TPST2: variants seen among roughly 807,000 people sequenced by gnomAD.
TPST2 encodes the protein tyrosylprotein sulfotransferase 2.
TPST2 carries 16 observed loss-of-function variants against 27.8 expected under a neutral mutation model. The observed-to-expected ratio is 0.58, with a 90% CI of 0.39 to 0.88. The LOEUF (loss-of-function observed/expected upper bound fraction) is 0.88. Ranked by LOEUF, TPST2 falls within the 40% of genes least tolerant of loss-of-function variation. TPST2 has a pLI of 0.00. For missense variants in TPST2, 464 were observed against 543.1 expected (o/e 0.85, Z 1.45); for synonymous variants, 229 against 231.7 (o/e 0.99, Z 0.10).
Position 26,536,350 on chromosome 22 carries a change from G to A in TPST2, c.979C>T (p.Pro327Ser). The change falls in exon 4 of 7, where the codon CCT becomes TCT. Residue 327 changes from proline to serine, a missense_variant. By Grantham distance (74) the Pro-to-Ser change is moderately conservative. Transcript: ENST00000338754. ...CCATAGTTGGGGGGGTTTGCATAAG[G>A]GTCATAGCCGAGCTGAGCCAGCATG... is the stretch of plus-strand genomic sequence containing the variant. Reference protein sequence around the residue: ...APMLAQLGYDPYANPPNYGNP... With the variant: ...APMLAQLGYDSYANPPNYGNP... 1 of 1,612,736 alleles carries A rather than the reference G, an allele frequency of 6.2e-7. No individual in the cohort carries two copies. The highest frequency in any genetic ancestry group is 1.1e-5 in the South Asian group (1 of 91,076).
rs889996538 is a variant in TPST2 at position 26,550,468 on chromosome 22, C to G, written c.-160-5793G>C. ...TCAAATCTATAGGAACTTTCTAAAT[C>G]ATCATTTCTCCAAGCTCAGCAGATC... On this transcript the variant is annotated intron_variant, in intron 1 of 6. Coordinates refer to ENST00000338754, the MANE Select transcript of TPST2 (RefSeq NM_003595.5). The G allele has an allele frequency of 2.3e-5, 12 of 531,994 alleles. No individual in the cohort carries two copies. In the Admixed American group the frequency reaches 2.6e-4, roughly 11 times the overall value. 33.0% of individuals were successfully genotyped at this position (531,994 alleles called of 1,614,324 possible). A position where few individuals can be genotyped will look rare whatever the true frequency, so the allele number is the denominator to read the frequency against.
chr22:26,542,327 C>T (rs1034870275), intron 2 of TPST2, among the ~76,000 whole-genome samples: 5 of 151,606 alleles, frequency 3.3e-5, no homozygotes, highest in Admixed American at 6.6e-5. Context: ...CTCAAGCAAT[C>T]CTCTGCCTCA....
chr22:26,580,235 A>T (rs546091024), intron 1 of TPST2, among the ~76,000 whole-genome samples: 2 of 152,316 alleles, frequency 1.3e-5, no homozygotes, highest in African/African-American at 4.8e-5. Context: ...CCATCTCAAA[A>T]AAAGAAAGAA....
intron 1 of TPST2, among the ~76,000 whole-genome samples, chr22:26,561,757 T>C (rs1927108973): frequency 6.6e-6 from 1 of 152,158 alleles, no homozygotes; most frequent in South Asian, 2.1e-4. Context: ...CATGGAATGC[T>C]ATCCCAGCAG....
chr22:26,541,502 C>G lies in TPST2; in HGVS notation c.129G>C (p.Gly43=). ...GCTCCTCCTGCTCAGGCCGCATGGC[C>G]CCCCGGGGGCTCCGCAGGCCCGCCA... ...AVLAGLRSPR[G]AMRPEQEELV... is the part of the protein sequence containing the mutation. Residue 43 remains glycine, a synonymous_variant, in exon 3 of 7, where the codon GGG becomes GGC. Transcript: ENST00000338754. The surrounding 1 kb of genome is among the most constrained non-coding windows in gnomAD (Gnocchi z 5.9). The G allele has an allele frequency of 1.2e-6, 2 of 1,612,026 alleles. No individual in the cohort carries two copies. Among genetic ancestry groups the G allele is most frequent in the Non-Finnish European group, 1.7e-6 (2 of 1,179,042 alleles).
chr22:26,573,696 T>C (rs945353717), intron 1 of TPST2, among the ~76,000 whole-genome samples: 6 of 152,216 alleles, frequency 3.9e-5, no homozygotes, highest in African/African-American at 7.2e-5. Context: ...ACCTTTTTTT[T>C]TGTGGTTCAT....
At chr22:26,538,748 G>A (rs985782300) in intron 3 of TPST2, among the ~76,000 whole-genome samples, 1 of 152,076 alleles carries the variant, frequency 6.6e-6, no homozygotes, top group Non-Finnish European at 1.5e-5. Flanking sequence ...GCTTGAACCC[G>A]GGAGGCGGAG....
chr22:26,574,480 C>T (rs777905670), intron 1 of TPST2, among the ~76,000 whole-genome samples: 9 of 152,124 alleles, frequency 5.9e-5, no homozygotes, highest in African/African-American at 1.9e-4. Context: ...GCCTGCCTCA[C>T]GGGTCACTGT....
intron 3 of TPST2, among the ~76,000 whole-genome samples, chr22:26,538,640 G>A (rs1408076710): frequency 2.6e-5 from 4 of 152,116 alleles, no homozygotes; most frequent in African/African-American, 7.2e-5. Flanking sequence ...TGGCCAACAT[G>A]GCAAAACCCC....
chr22:26,537,845 G>A (rs1925561242), intron 3 of TPST2, among the ~76,000 whole-genome samples: 1 of 152,114 alleles, frequency 6.6e-6, no homozygotes, highest in East Asian at 1.9e-4. Flanking sequence ...CGCGTCTGCA[G>A]CTGTAAAACA....
intron 1 of TPST2, chr22:26,555,180 T>A (rs942162812): frequency 3.7e-6 from 2 of 533,552 alleles, no homozygotes. Context: ...CGCTGCCCCT[T>A]GCTCCCTCTC....
intron 4 of TPST2, among the ~76,000 whole-genome samples, chr22:26,534,144 A>AGTGGCTACCGTATGGGACACT (rs1321777158): frequency 3.3e-5 from 5 of 152,290 alleles, no homozygotes; most frequent in African/African-American, 1.2e-4. Context: ...ACACATGGCT[A>AGTGGCTACCGTATGGGACACT]GTGGCTACCG....
At chr22:26,574,974 G>A (rs990994375) in intron 1 of TPST2, among the ~76,000 whole-genome samples, 1 of 152,032 alleles carries the variant, frequency 6.6e-6, no homozygotes, top group Admixed American at 6.6e-5. Context: ...GTCCATCCCG[G>A]GACCATCTAA....
chr22:26,537,504 G>C, intron 3 of TPST2, among the ~76,000 whole-genome samples: 1 of 152,312 alleles, frequency 6.6e-6, no homozygotes, highest in African/African-American at 2.4e-5. Context: ...CCAGGCTGGA[G>C]TGCAGTGGCA....
chr22:26,539,175 C>T (rs936697833), intron 3 of TPST2, among the ~76,000 whole-genome samples: 8 of 152,168 alleles, frequency 5.3e-5, no homozygotes, highest in South Asian at 2.1e-4. Context: ...AGAGCAGCTG[C>T]GAGCCTCTAG....
intron 1 of TPST2, among the ~76,000 whole-genome samples, chr22:26,572,572 C>T (rs775545858): frequency 6.6e-6 from 1 of 152,138 alleles, no homozygotes; most frequent in Non-Finnish European, 1.5e-5. Context: ...TTATCTTGGG[C>T]TGCTTATCTC....
At chr22:26,545,831 G>A (rs57202166) in intron 1 of TPST2, among the ~76,000 whole-genome samples, 9,759 of 152,246 alleles carry the variant, frequency 0.064, 365 homozygotes, top group Middle Eastern at 0.092. Flanking sequence ...TGTGATCCCA[G>A]CACTTTGGGA....
chr22:26,571,408 A>G (rs5761609), intron 1 of TPST2, among the ~76,000 whole-genome samples: 67,605 of 151,846 alleles, frequency 0.45, 15,924 homozygotes, highest in East Asian at 0.73. Flanking sequence ...ACGGCACTCC[A>G]GAAGCCCTCA....
At chr22:26,551,561 A>T (rs933756759) in intron 1 of TPST2, among the ~76,000 whole-genome samples, 3 of 151,044 alleles carry the variant, frequency 2.0e-5, no homozygotes, top group Admixed American at 6.6e-5. Flanking sequence ...CTTGCTTTGC[A>T]TTTTTTTTTA....
Sources: gnomAD v4.1 joint callset for allele counts (sites outside exome capture counted in the v4.1 genomes callset) on GRCh38, gnomAD v4.1.1 for gene constraint, Gnocchi (gnomAD v3.1) non-coding constraint, MANE v1.5 for transcripts, NCBI Gene and HGNC (gene_info 2026-07-23, HGNC 2026-07-21) for gene names.